TLN2: variants seen among roughly 807,000 people sequenced by gnomAD.
TLN2 encodes the protein talin 2.
A neutral mutation model predicts 294.7 loss-of-function variants in TLN2; 118 were observed. That is an observed-to-expected ratio of 0.40 (90% CI 0.34 to 0.47). The LOEUF (loss-of-function observed/expected upper bound fraction) is 0.47, where lower values mean the gene tolerates loss of function less well. Ranked by LOEUF, TLN2 falls within the 20% of genes least tolerant of loss-of-function variation. The probability of loss-of-function intolerance (pLI) is 0.84; values close to 1 mark genes in which losing one functional copy is unlikely to be tolerated. For synonymous variants in TLN2, 1,431 were observed against 1,304.5 expected (o/e 1.10, Z -2.09); for missense variants, 3,083 against 3,282.2 (o/e 0.94, Z 1.48).
chr15:62,747,975 G>A (rs1263432077), intron 32 of TLN2, among the ~76,000 whole-genome samples: 1 of 152,118 alleles, frequency 6.6e-6, no homozygotes, highest in Non-Finnish European at 1.5e-5. Context: ...TCATCTTGCT[G>A]TCTGAGAGGT....
chr15:62,490,442 A>G (rs1464717937), intron 1 of TLN2, among the ~76,000 whole-genome samples: 2 of 152,210 alleles, frequency 1.3e-5, no homozygotes, highest in East Asian at 3.8e-4. Context: ...CATCCCAAAG[A>G]CAGTTGGTTG....
intron 18 of TLN2, 73 bp from the exon 19 acceptor site, chr15:62,702,693 C>T: frequency 6.9e-7 from 1 of 1,450,992 alleles, no homozygotes; most frequent in Non-Finnish European, 9.7e-7. Flanking sequence ...ATTCTACTTC[C>T]TGTACTTCCA....
At chr15:62,732,055 G>A (rs1357872062) in intron 28 of TLN2, among the ~76,000 whole-genome samples, 5 of 152,160 alleles carry the variant, frequency 3.3e-5, no homozygotes, top group African/African-American at 1.2e-4. Flanking sequence ...TTGACACTTA[G>A]CGAGGGCTTT....
intron 3 of TLN2, among the ~76,000 whole-genome samples, chr15:62,643,833 T>G (rs1254810027): frequency 6.6e-6 from 1 of 152,068 alleles, no homozygotes; most frequent in East Asian, 1.9e-4. Context: ...TTCTCCGCAA[T>G]AGACCCGGGC....
At chr15:62,792,888 C>G in intron 46 of TLN2, 101 bp downstream of exon 46, 4 of 1,518,744 alleles carry the variant, frequency 2.6e-6, no homozygotes, top group Non-Finnish European at 2.7e-6. Context: ...CAAAACTAAC[C>G]CAGCTGACTC....
chr15:62,428,412 G>A (rs981408868), intron 1 of TLN2, among the ~76,000 whole-genome samples: 3 of 152,212 alleles, frequency 2.0e-5, no homozygotes, highest in Non-Finnish European at 2.9e-5. Context: ...TGTGGTTTGC[G>A]TTTAGTGTAG....
At chr15:62,677,821 T>TTTTTTTTTTTA (rs2056398477) in intron 11 of TLN2, among the ~76,000 whole-genome samples, 1 of 146,102 alleles carries the variant, frequency 6.8e-6, no homozygotes, top group African/African-American at 2.5e-5. Context: ...TTTTTTTTTT[T>TTTTTTTTTTTA]GAGACGGAGA....
chr15:62,799,596 T>TA (rs908420137), intron 48 of TLN2, among the ~76,000 whole-genome samples: 1 of 152,236 alleles, frequency 6.6e-6, no homozygotes, highest in Non-Finnish European at 1.5e-5. Context: ...TCATCCCTGT[T>TA]ACAAGCGTGA....
chr15:62,670,417 T>C (rs892401348), intron 9 of TLN2, among the ~76,000 whole-genome samples: 1 of 152,220 alleles, frequency 6.6e-6, no homozygotes, highest in Admixed American at 6.5e-5. Context: ...GCTTCCTCTT[T>C]TGTGATGTTG....
intron 6 of TLN2, among the ~76,000 whole-genome samples, chr15:62,652,421 T>A (rs1469480266): frequency 6.6e-6 from 1 of 152,198 alleles, no homozygotes; most frequent in Non-Finnish European, 1.5e-5. Flanking sequence ...TGCTGCCTTC[T>A]ATTCTATATG....
chr15:62,480,723 A>G (rs552163499), intron 1 of TLN2, among the ~76,000 whole-genome samples: 16 of 152,222 alleles, frequency 1.1e-4, no homozygotes, highest in South Asian at 2.1e-4. Context: ...ACGTTACCAC[A>G]CTTGGGACTG....
At position 62,440,413 on chromosome 15, in the gene TLN2, A is replaced by G. The variant is rs186000041; in HGVS notation, c.-238+49728A>G. Among the ~76,000 whole-genome samples the G allele has an allele frequency of 2.9e-3, 442 of 152,274 alleles. 4 individuals are homozygous for G. Among genetic ancestry groups the G allele is most frequent in the African/African-American group, 0.01 (434 of 41,560 alleles). ...TAAGTATATGGTACAGGTTTCATTC[A>G]TTGGGAGAACAGCACTGTGAACTTG... On this transcript the variant is annotated intron_variant, in intron 1 of 58. Transcript: ENST00000636159.
At chr15:62,588,403 A>G (rs1051603364) in intron 1 of TLN2, among the ~76,000 whole-genome samples, 1 of 151,556 alleles carries the variant, frequency 6.6e-6, no homozygotes, top group Non-Finnish European at 1.5e-5. Flanking sequence ...TGGGAGAACC[A>G]GGTGGATGGA....
At chr15:62,536,523 G>A (rs1281840979) in intron 1 of TLN2, among the ~76,000 whole-genome samples, 2 of 152,174 alleles carry the variant, frequency 1.3e-5, no homozygotes, top group Non-Finnish European at 2.9e-5. Context: ...ATAAATTTTT[G>A]TATTTTTGCC....
intron 1 of TLN2, among the ~76,000 whole-genome samples, chr15:62,432,274 A>G (rs1247452569): frequency 1.3e-5 from 2 of 152,216 alleles, no homozygotes; most frequent in South Asian, 2.1e-4. Context: ...ATGCAAAACT[A>G]AATACCTGAG....
Position 62,697,771 on chromosome 15 carries a change from G to A in TLN2, c.1376G>A (p.Gly459Asp), listed in dbSNP as rs943385085. The change falls in exon 15 of 59, where the codon GGC becomes GAC. Residue 459 changes from glycine to aspartate, a missense_variant. Physicochemically the swap from Gly to Asp is moderately conservative, Grantham distance 94. Transcript: ENST00000636159. ...SVALPAVMRSGSSGPETFNVG... is the reference protein window; with the variant it reads ...SVALPAVMRSDSSGPETFNVG... The stretch of plus-strand genomic sequence containing the variant: ...GCGCTGCCGGCCGTGATGCGCTCGG[G>A]CTCCAGCGGGCCTGAGACCTTCAAC... 2 of 1,612,616 alleles carry A rather than the reference G, an allele frequency of 1.2e-6. No homozygotes were observed. Among genetic ancestry groups the A allele is most frequent in the Admixed American group, 1.7e-5 (1 of 59,932 alleles).
In TLN2 at chr15:62,592,941, C is replaced by G. The variant is rs532581798; in HGVS notation, c.-162+3179C>G. Among the ~76,000 whole-genome samples the G allele has an allele frequency of 3.9e-5, 6 of 152,292 alleles. No homozygotes were observed. The South Asian group carries it at 1.0e-3, about 26-fold the overall frequency. ...TATATTCTGGATTTGAGATTAAATG[C>G]AATATTCTGACCTTATCTCTGTGTT... On this transcript the variant is annotated intron_variant, in intron 2 of 58. Coordinates refer to ENST00000636159, the MANE Select transcript of TLN2 (RefSeq NM_015059.3).
intron 3 of TLN2, among the ~76,000 whole-genome samples, chr15:62,620,088 A>G (rs2048659077): frequency 6.6e-6 from 1 of 152,124 alleles, no homozygotes; most frequent in South Asian, 2.1e-4. Flanking sequence ...CAATCCTCCC[A>G]CCTCAGCTTC....
intron 1 of TLN2, among the ~76,000 whole-genome samples, chr15:62,564,941 T>TATATATATATAC (rs68158506): frequency 7.2e-6 from 1 of 138,262 alleles, no homozygotes; most frequent in African/African-American, 2.7e-5. Flanking sequence ...TATATATATA[T>TATATATATATAC]ACTGCATTCC....
Sources: allele counts gnomAD v4.1 joint callset (sites outside exome capture counted in the v4.1 genomes callset), GRCh38; gene constraint gnomAD v4.1.1; transcripts MANE v1.5; gene names NCBI Gene and HGNC (gene_info 2026-07-23, HGNC 2026-07-21).